The following PCDH15 variants were observed in gnomAD, a reference collection of about 807,000 sequenced individuals.
The protein encoded by PCDH15 is protocadherin-15.
In PCDH15, 129 loss-of-function variants were observed where a neutral mutation model predicts 178.5. That is an observed-to-expected ratio of 0.72 (90% confidence interval 0.63 to 0.84). The LOEUF (loss-of-function observed/expected upper bound fraction) is 0.84. PCDH15 is among the 40% of genes least tolerant of loss of function. PCDH15 has a pLI of 0.00. For synonymous variants in PCDH15, 800 were observed against 732.0 expected (o/e 1.09, Z -1.50); for missense variants, 2,230 against 2,099.9 (o/e 1.06, Z -1.21).
At chr10:54,300,951 CAAT>C (rs1208929349) in intron 8 of PCDH15, among the ~76,000 whole-genome samples, 2 of 152,140 alleles carry the variant, frequency 1.3e-5, no homozygotes, top group East Asian at 3.9e-4. Flanking sequence ...TCACTCCTCA[CAAT>C]AAATCTTGCT....
At chr10:54,247,836 C>A (rs968528532) in intron 8 of PCDH15, among the ~76,000 whole-genome samples, 2 of 149,910 alleles carry the variant, frequency 1.3e-5, no homozygotes, top group African/African-American at 4.9e-5. Flanking sequence ...CCACTGCACT[C>A]CAGCCTGGGT....
At position 54,340,846 on chromosome 10, in the gene PCDH15, T is replaced by C. The variant is rs538771307; in HGVS notation, c.594+5519A>G. Among the ~76,000 whole-genome samples the C allele has an allele frequency of 3.9e-5, 6 of 152,228 alleles. No individual in the cohort carries two copies. In the East Asian group the frequency reaches 1.2e-3, roughly 30 times the overall value. ...TGGGAGGGTCTTCATGTGCAGTATG[T>C]TTACTGAAGTTGTTGCATGCTTACT... On this transcript the variant is annotated intron_variant, in intron 6 of 37. Transcript: ENST00000644397.
At chr10:55,290,325 C>A (rs1351620122) in intron 1 of PCDH15, among the ~76,000 whole-genome samples, 1 of 150,242 alleles carries the variant, frequency 6.7e-6, no homozygotes, top group Non-Finnish European at 1.5e-5. Context: ...TTAAACATCA[C>A]AGTGTGTATT....
At chr10:53,951,869 G>T (rs752239038) in intron 23 of PCDH15, among the ~76,000 whole-genome samples, 50 of 152,170 alleles carry the variant, frequency 3.3e-4, no homozygotes, top group Non-Finnish European at 5.9e-4. Flanking sequence ...TGAGTGTGGG[G>T]TCCACCACTG....
chr10:53,890,167 C>T (rs377438460), intron 26 of PCDH15, among the ~76,000 whole-genome samples: 442 of 152,326 alleles, frequency 2.9e-3, no homozygotes, highest in African/African-American at 0.01. Flanking sequence ...GTGGCTCATG[C>T]CTGTAATCCC....
chr10:54,700,151 GA>G (rs2095289777), intron 1 of PCDH15, among the ~76,000 whole-genome samples: 4 of 151,968 alleles, frequency 2.6e-5, no homozygotes, highest in Admixed American at 2.6e-4. Context: ...TCAATCGACT[GA>G]ACCCACCATA....
At chr10:54,563,478 C>G (rs1000534018) in intron 2 of PCDH15, among the ~76,000 whole-genome samples, 3 of 152,036 alleles carry the variant, frequency 2.0e-5, no homozygotes, top group African/African-American at 7.2e-5. Context: ...ACTTTTTCAG[C>G]CAAAAATACA....
chr10:54,091,390 A>G (rs961908162), intron 15 of PCDH15, among the ~76,000 whole-genome samples: 4 of 152,148 alleles, frequency 2.6e-5, no homozygotes, highest in African/African-American at 9.7e-5. Context: ...GTCAGTGACT[A>G]CATAATAACT....
rs1840973116 is a variant in PCDH15 at position 53,803,199 on chromosome 10, G to A, written c.*3380C>T. The A allele has an allele frequency of 6.6e-6, 1 of 151,720 alleles. No individual in the cohort carries two copies. Among genetic ancestry groups the A allele is most frequent in the East Asian group, 1.9e-4 (1 of 5,168 alleles). The allele number at this position is 151,720 out of a possible 1,614,324, so 9.4% of individuals were successfully genotyped here. On this transcript the variant is annotated 3_prime_UTR_variant, in exon 38 of 38. Transcript: ENST00000644397. ...AGCCTTATCGCTGTGTAATTTGCAG[G>A]CACCAATAGGCATCTGCCCTGAGAA... is the stretch of plus-strand genomic sequence containing the variant.
chr10:55,131,563 A>T (rs1224702848), intron 2 of PCDH15, among the ~76,000 whole-genome samples: 1 of 152,198 alleles, frequency 6.6e-6, no homozygotes, highest in African/African-American at 2.4e-5. Context: ...ATAATGAGGT[A>T]TACAGACAAC....
At chr10:54,562,275 G>A (rs1193388320) in intron 2 of PCDH15, among the ~76,000 whole-genome samples, 1 of 152,150 alleles carries the variant, frequency 6.6e-6, no homozygotes, top group Non-Finnish European at 1.5e-5. Context: ...ACAGGCATGA[G>A]CCACTGTGCC....
intron 13 of PCDH15, among the ~76,000 whole-genome samples, chr10:54,157,579 C>T (rs566576224): frequency 6.6e-6 from 1 of 152,328 alleles, no homozygotes; most frequent in African/African-American, 2.4e-5. Flanking sequence ...CTGTGAAGAC[C>T]TCTGACATGC....
chr10:55,488,099 A>G (rs1335142817), intron 2 of PCDH15, among the ~76,000 whole-genome samples: 2 of 151,554 alleles, frequency 1.3e-5, no homozygotes, highest in Non-Finnish European at 3.0e-5. Context: ...AACACTGCCA[A>G]TTTATGCTTA....
At position 55,094,929 on chromosome 10, in the gene PCDH15, C is replaced by CTTTT. The variant is rs60073886; in HGVS notation, c.-80+71643_-80+71646dup. On this transcript the variant is annotated intron_variant, in intron 2 of 5. Transcript: ENST00000458638. Reference sequence around the variant, plus strand: ...AAAAAACAAACTCTATATCCAAATTCTTTTTTTTTTTTTTTTTTATCTCAC... The same window carrying CTTTT: ...AAAAAACAAACTCTATATCCAAATTCTTTTTTTTTTTTTTTTTTTTTTATCTCAC... Among the ~76,000 whole-genome samples the CTTTT allele has an allele frequency of 2.5e-4, 32 of 130,354 alleles. 3 individuals carry two copies. The highest frequency in any genetic ancestry group is 6.5e-4 in the Admixed American group (8 of 12,214). 85.5% of individuals were successfully genotyped at this position (130,354 alleles called of 152,430 possible).
At chr10:54,042,166 T>C (rs1300405716) in intron 18 of PCDH15, among the ~76,000 whole-genome samples, 1 of 152,106 alleles carries the variant, frequency 6.6e-6, no homozygotes, top group African/African-American at 2.4e-5. Context: ...CCAGACATTT[T>C]TGTAACGTCT....
intron 2 of PCDH15, among the ~76,000 whole-genome samples, chr10:55,451,841 T>C (rs1839442158): frequency 6.6e-6 from 1 of 152,238 alleles, no homozygotes; most frequent in African/African-American, 2.4e-5. Flanking sequence ...TTAATGATTA[T>C]CTGATTGTTT....
At chr10:54,144,381 T>G (rs1189080803) in intron 14 of PCDH15, among the ~76,000 whole-genome samples, 1 of 152,168 alleles carries the variant, frequency 6.6e-6, no homozygotes, top group Non-Finnish European at 1.5e-5. Flanking sequence ...CTGTTTTATG[T>G]GAGTTCCTTC....
At chr10:54,752,530 A>AAAAAC (rs1946480096) in intron 1 of PCDH15, among the ~76,000 whole-genome samples, 2 of 43,884 alleles carry the variant, frequency 4.6e-5, no homozygotes, top group African/African-American at 7.3e-5. Flanking sequence ...ACAAACAAAC[A>AAAAAC]AAAAAAAACA....
rs1393826489 is a variant in PCDH15 at position 54,147,226 on chromosome 10, G to A, written c.1784+5874C>T. On this transcript the variant is annotated intron_variant, in intron 14 of 37. Transcript: ENST00000644397. ...CTCAGCAGGTAGAATGGAAGTATAT[G>A]GATTTTATTCTCTGCAGGTCCCACT... Among the ~76,000 whole-genome samples the A allele has an allele frequency of 2.0e-5, 3 of 151,358 alleles. No individual in the cohort carries two copies. In the East Asian group the frequency reaches 5.8e-4, roughly 29 times the overall value.
Sources: gnomAD v4.1 joint callset for allele counts (sites outside exome capture counted in the v4.1 genomes callset) on GRCh38, gnomAD v4.1.1 for gene constraint, MANE v1.5 for transcripts, NCBI Gene and HGNC (gene_info 2026-07-23, HGNC 2026-07-21) for gene names.